Variants in WDPCP observed in about 807,000 individuals in gnomAD.
WDPCP encodes the protein WD repeat containing planar cell polarity effector.
WDPCP carries 71 observed loss-of-function variants against 93.1 expected under a neutral mutation model. That is an observed-to-expected ratio of 0.76 (90% CI 0.63 to 0.93). The LOEUF (loss-of-function observed/expected upper bound fraction) is 0.93, where lower values mean the gene tolerates loss of function less well. WDPCP is among the 40% of genes least tolerant of loss of function. WDPCP has a pLI of 0.00. For synonymous variants in WDPCP, 315 were observed against 315.0 expected (o/e 1.00, Z 0.00); for missense variants, 844 against 887.4 (o/e 0.95, Z 0.62).
intron 12 of WDPCP, among the ~76,000 whole-genome samples, chr2:63,372,077 T>A (rs1343026745): frequency 6.6e-6 from 1 of 152,126 alleles, no homozygotes; most frequent in Non-Finnish European, 1.5e-5. Flanking sequence ...TCTGGTGAGG[T>A]CTCAGAAAGC....
rs1417219381 is a variant in WDPCP, at chr2:63,338,562, AAAAAAAAATATATATATATAT to A, written c.1749-25272_1749-25252del. 1.7e-3 allele frequency among the ~76,000 whole-genome samples: 106 copies of A among 61,978 alleles called. 6 individuals carry two copies. Among genetic ancestry groups the A allele is most frequent in the African/African-American group, 4.1e-3 (55 of 13,290 alleles). 40.7% of individuals were successfully genotyped at this position (61,978 alleles called of 152,430 possible). A position where few individuals can be genotyped will look rare whatever the true frequency, so the allele number is the denominator to read the frequency against. On this transcript the variant is annotated intron_variant, in intron 12 of 17. Transcript: ENST00000272321. Reference sequence around the variant, plus strand: ...AGCAAAACTCCATCTAAAAAAAAAAAAAAAAAAATATATATATATATATATATATATATATATATATATATA... The same window carrying A: ...AGCAAAACTCCATCTAAAAAAAAAAAATATATATATATATATATATATATA...
chr2:63,590,295 A>G (rs1709161214), upstream of WDPCP: 1 of 152,178 alleles, frequency 6.6e-6, no homozygotes, highest in Admixed American at 6.5e-5. Context: ...AATGGAGTTT[A>G]TCGAGACCCA....
intron 10 of WDPCP, among the ~76,000 whole-genome samples, chr2:63,400,685 A>C (rs1484944625): frequency 6.6e-6 from 1 of 152,190 alleles, no homozygotes; most frequent in Non-Finnish European, 1.5e-5. Context: ...TATAGCCAAG[A>C]CAATCCTAAG....
At chr2:63,311,730 G>A (rs868658628) in intron 13 of WDPCP, among the ~76,000 whole-genome samples, 1 of 152,118 alleles carries the variant, frequency 6.6e-6, no homozygotes, top group Admixed American at 6.6e-5. Context: ...AACTGAGACC[G>A]AAAGCTGAAA....
chr2:63,627,803 G>T (rs547180728), intron 3 of WDPCP, among the ~76,000 whole-genome samples: 2 of 152,086 alleles, frequency 1.3e-5, no homozygotes, highest in Non-Finnish European at 2.9e-5. Context: ...CAATTTGTTC[G>T]TGGGACCTGA....
chr2:63,607,558 C>T (rs1178388420), intron 3 of WDPCP, among the ~76,000 whole-genome samples: 1 of 150,294 alleles, frequency 6.7e-6, no homozygotes, highest in Non-Finnish European at 1.5e-5. Flanking sequence ...GGACTGGGCG[C>T]GGTGGCTCCC....
At chr2:63,185,619 C>A (rs1674574377) in intron 14 of WDPCP, among the ~76,000 whole-genome samples, 1 of 152,278 alleles carries the variant, frequency 6.6e-6, no homozygotes, top group East Asian at 1.9e-4. Context: ...TTATAGGTCA[C>A]AAGGAGCTCA....
intron 3 of WDPCP, chr2:63,605,807 T>C: frequency 4.0e-6 from 3 of 758,050 alleles, no homozygotes; most frequent in Non-Finnish European, 4.7e-6. Context: ...TACCTGGTGC[T>C]GATGATAGTT....
rs1299859641 is a variant in WDPCP, at chr2:63,658,039, AT to A, written n.309-7202del. Among the ~76,000 whole-genome samples the A allele has an allele frequency of 3.3e-5, 5 of 152,224 alleles. No individual in the cohort carries two copies. The South Asian group carries it at 8.3e-4, about 25-fold the overall frequency. On this transcript the variant is annotated intron_variant and non_coding_transcript_variant, in intron 2 of 4. Transcript: ENST00000467687. ...TCTAGAAGATAAAGGACAATCTATA[AT>A]TTTTTTAATGGCATTTTTTTTAGCT...
chr2:63,448,448 ACAC>A (rs1698009619), intron 6 of WDPCP, among the ~76,000 whole-genome samples: 1 of 151,826 alleles, frequency 6.6e-6, no homozygotes, highest in Admixed American at 6.6e-5. Flanking sequence ...ACACACACAC[ACAC>A]ACACACACAC....
At chr2:63,155,396 C>T (rs1166385596) in intron 15 of WDPCP, among the ~76,000 whole-genome samples, 1 of 152,142 alleles carries the variant, frequency 6.6e-6, no homozygotes, top group African/African-American at 2.4e-5. Context: ...ACTATCCTTT[C>T]TCCATTGAAT....
intron 2 of WDPCP, among the ~76,000 whole-genome samples, chr2:63,798,743 G>A (rs1311295874): frequency 1.3e-5 from 2 of 151,970 alleles, no homozygotes; most frequent in Non-Finnish European, 2.9e-5. Context: ...AACACTGAAC[G>A]TAAATAGACT....
rs554018185 is a variant in WDPCP, at chr2:63,805,079, G to T, written n.308+8543C>A. On this transcript the variant is annotated intron_variant and non_coding_transcript_variant, in intron 2 of 4. Transcript: ENST00000467687. Reference sequence around the variant, plus strand: ...GAGTCCATGCCAGGGTGTCTCTGGCGGAAGATAGGAGCAAAACAAAAGCTA... The same window carrying T: ...GAGTCCATGCCAGGGTGTCTCTGGCTGAAGATAGGAGCAAAACAAAAGCTA... Among the ~76,000 whole-genome samples the T allele has an allele frequency of 4.4e-4, 67 of 152,258 alleles. 1 individual carries two copies. The highest frequency in any genetic ancestry group is 1.5e-3 in the African/African-American group (64 of 41,546).
intron 13 of WDPCP, among the ~76,000 whole-genome samples, chr2:63,299,844 C>T (rs777224209): frequency 1.8e-4 from 27 of 152,008 alleles, no homozygotes; most frequent in Non-Finnish European, 3.4e-4. Flanking sequence ...AAAAAGCAGC[C>T]CCGATCATTT....
chr2:63,602,738 T>C (rs1709448835), intron 3 of WDPCP, among the ~76,000 whole-genome samples: 1 of 152,108 alleles, frequency 6.6e-6, no homozygotes, highest in Non-Finnish European at 1.5e-5. Flanking sequence ...TCCACCTCTA[T>C]AATTTTGTCA....
At chr2:63,824,989 G>T (rs780160067) in intron 1 of WDPCP, among the ~76,000 whole-genome samples, 6 of 152,106 alleles carry the variant, frequency 3.9e-5, no homozygotes, top group Non-Finnish European at 8.8e-5. Flanking sequence ...GCAAATATTT[G>T]TGAAAGGTAT....
At chr2:63,338,569 A>AT (rs1356124909) in intron 12 of WDPCP, among the ~76,000 whole-genome samples, 4 of 14,436 alleles carry the variant, frequency 2.8e-4, no homozygotes, top group Non-Finnish European at 3.8e-4. Flanking sequence ...AAAAAAAAAA[A>AT]ATATATATAT....
chr2:63,195,256 A>G (rs1276894752), intron 14 of WDPCP, among the ~76,000 whole-genome samples: 1 of 152,176 alleles, frequency 6.6e-6, no homozygotes, highest in African/African-American at 2.4e-5. Context: ...AAATTTACAA[A>G]CTGTTCAAAT....
intron 10 of WDPCP, among the ~76,000 whole-genome samples, chr2:63,395,989 A>G (rs1462098082): frequency 6.6e-6 from 1 of 152,126 alleles, no homozygotes; most frequent in African/African-American, 2.4e-5. Flanking sequence ...TCGGCCTCCT[A>G]AAGTGCTGGG....
Sources: gnomAD v4.1 joint callset for allele counts (sites outside exome capture counted in the v4.1 genomes callset) on GRCh38, gnomAD v4.1.1 for gene constraint, MANE v1.5 for transcripts, NCBI Gene and HGNC (gene_info 2026-07-23, HGNC 2026-07-21) for gene names.